The following MYLIP variants were observed in gnomAD, a reference collection of about 807,000 sequenced individuals.
MYLIP encodes myosin regulatory light chain interacting protein, also known as E3 ubiquitin-protein ligase MYLIP.
MYLIP carries 26 observed loss-of-function variants against 45.8 expected under a neutral mutation model. The ratio of observed to expected loss-of-function variants is 0.57; its 90% CI spans 0.42 to 0.79. MYLIP has a LOEUF of 0.79. Ranked by LOEUF, MYLIP falls within the 30% of genes least tolerant of loss-of-function variation. The probability of loss-of-function intolerance (pLI) is 0.00; values close to 1 mark genes in which losing one functional copy is unlikely to be tolerated. For missense variants in MYLIP, 494 were observed against 555.6 expected, an observed-to-expected ratio of 0.89 and a Z score of 1.11; for synonymous variants, 213 against 218.1, an observed-to-expected ratio of 0.98 and a Z score of 0.21.
chr6:16,132,825 T>C (rs149725774), intron 2 of MYLIP, among the ~76,000 whole-genome samples: 13 of 152,248 alleles, frequency 8.5e-5, no homozygotes, highest in African/African-American at 2.9e-4. Flanking sequence ...AAAATACTTA[T>C]ATAAAATGCC....
chr6:16,130,770 A>G (rs1759441694), intron 2 of MYLIP, 23 bp downstream of exon 2: 1 of 1,601,650 alleles, frequency 6.2e-7, no homozygotes, highest in Non-Finnish European at 8.5e-7. Flanking sequence ...AAAATAAACC[A>G]ATGTCAAATT....
Position 16,141,822 on chromosome 6 carries a change from G to A in MYLIP, c.464+12G>A. 1 of 1,603,304 alleles carries A rather than the reference G, an allele frequency of 6.2e-7. No homozygotes were observed. Among genetic ancestry groups the A allele is most frequent in the Middle Eastern group, 1.7e-4 (1 of 6,024 alleles). Reference sequence around the variant, plus strand: ...GCCACCTTGAACAGGTGAGGCTGTTGAATATAGTATTGTTTACAACTAGAA... The same window carrying A: ...GCCACCTTGAACAGGTGAGGCTGTTAAATATAGTATTGTTTACAACTAGAA... On this transcript the variant is annotated intron_variant, in intron 3 of 6. Transcript: ENST00000356840.
chr6:16,152,723 CAGA>C (rs541043644), downstream of MYLIP, among the ~76,000 whole-genome samples: 163 of 152,254 alleles, frequency 1.1e-3, 1 homozygote, highest in South Asian at 0.015. Context: ...TGTGGAAGAG[CAGA>C]AGATTTGCCA....
intron 4 of MYLIP, among the ~76,000 whole-genome samples, chr6:16,143,469 A>C (rs1212905042): frequency 6.6e-6 from 1 of 152,184 alleles, no homozygotes; most frequent in Non-Finnish European, 1.5e-5. Flanking sequence ...TCAGCTCTAG[A>C]CATGCATGTG....
chr6:16,144,995 A>G lies in MYLIP; in HGVS notation c.926A>G (p.Lys309Arg). Residue 309 changes from lysine to arginine, a missense_variant, in exon 6 of 7, where the codon AAG (lysine) becomes AGG (arginine). Physicochemically the swap from Lys to Arg is conservative, Grantham distance 26 (BLOSUM62 2). Transcript: ENST00000356840. ...LFLNENINLGKKYVFDIKRTS... is the reference protein window; with the variant it reads ...LFLNENINLGRKYVFDIKRTS... ...CTGAATGAAAACATTAACCTTGGCA[A>G]GAAATATGTCTTTGATATTAAAAGA... is the stretch of plus-strand genomic sequence containing the variant. The G allele has an allele frequency of 6.2e-7, 1 of 1,614,230 alleles. No individual in the cohort carries two copies. The highest frequency in any genetic ancestry group is 8.5e-7 in the Non-Finnish European group (1 of 1,180,044).
chr6:16,163,013 G>A, the MYLIP span, among the ~76,000 whole-genome samples: 1 of 151,960 alleles, frequency 6.6e-6, no homozygotes, highest in African/African-American at 2.4e-5. Context: ...ATGCAAGCTT[G>A]TGAAGATGAG....
downstream of MYLIP, among the ~76,000 whole-genome samples, chr6:16,153,056 T>A (rs1759896167): frequency 6.6e-6 from 1 of 152,158 alleles, no homozygotes; most frequent in Non-Finnish European, 1.5e-5. Flanking sequence ...TAAAAGGGAA[T>A]CAAGAAGTGC....
At chr6:16,155,653 T>C in the MYLIP span, among the ~76,000 whole-genome samples, 1 of 152,176 alleles carries the variant, frequency 6.6e-6, no homozygotes, top group Non-Finnish European at 1.5e-5. Flanking sequence ...CGAACTCCAC[T>C]CACTCGAACC....
At chr6:16,143,245 C>T (rs754543202) in intron 4 of MYLIP, 28 bp downstream of exon 4, 8 of 1,605,470 alleles carry the variant, frequency 5.0e-6, no homozygotes, top group East Asian at 4.5e-5. Context: ...TTTTTTTGAC[C>T]TAAGCATGTG....
chr6:16,155,644 G>A, the MYLIP span, among the ~76,000 whole-genome samples: 3 of 152,310 alleles, frequency 2.0e-5, no homozygotes, highest in South Asian at 2.1e-4. Context: ...TGGCAGGGGC[G>A]AACTCCACTC....
chr6:16,138,882 T>A (rs1208645019), intron 2 of MYLIP, among the ~76,000 whole-genome samples: 1 of 152,172 alleles, frequency 6.6e-6, no homozygotes, highest in East Asian at 1.9e-4. Context: ...AAAAGGTCAA[T>A]CATCGCCCTT....
intron 2 of MYLIP, among the ~76,000 whole-genome samples, chr6:16,138,538 A>C (rs1453604453): frequency 6.6e-6 from 1 of 152,148 alleles, no homozygotes; most frequent in African/African-American, 2.4e-5. Context: ...ACTCTGTTGT[A>C]CTGTTCTCCT....
In MYLIP at chr6:16,130,677, G is replaced by C; in HGVS notation, c.208G>C (p.Ala70Pro). The change falls in exon 2 of 7, where the codon GCC becomes CCC. Residue 70 changes from alanine to proline, a missense_variant. Physicochemically the swap from Ala to Pro is conservative, Grantham distance 27. Coordinates refer to ENST00000356840, the MANE Select transcript of MYLIP (RefSeq NM_013262.4). ...GATCTCCCAGCAGATGGATGGGCTA[G>C]CCCCTTACAGGCTTAAACTTAGAGT... ...NRISQQMDGL[A>P]PYRLKLRVKF... is the part of the protein sequence containing the mutation. 5 of 1,614,176 alleles carry C rather than the reference G, an allele frequency of 3.1e-6. No individual in the cohort carries two copies. Among genetic ancestry groups the C allele is most frequent in the Non-Finnish European group, 4.2e-6 (5 of 1,180,024 alleles).
At chr6:16,142,639 G>T (rs544355645) in intron 3 of MYLIP, among the ~76,000 whole-genome samples, 6 of 152,328 alleles carry the variant, frequency 3.9e-5, no homozygotes, top group South Asian at 2.1e-4. Flanking sequence ...CCTGTGGTTT[G>T]TTGGCCTACC....
chr6:16,143,903 T>A, intron 5 of MYLIP, 40 bp downstream of exon 5: 1 of 1,584,316 alleles, frequency 6.3e-7, no homozygotes, highest in Middle Eastern at 2.0e-4. Flanking sequence ...GCACCACAGC[T>A]CTCAGGTTTT....
the MYLIP span, among the ~76,000 whole-genome samples, chr6:16,154,184 C>T: frequency 6.6e-6 from 1 of 152,068 alleles, no homozygotes; most frequent in African/African-American, 2.4e-5. Context: ...AGGAGTCTTG[C>T]TATGTTGTCC....
chr6:16,145,383 G>A (rs2113567793), intron 6 of MYLIP, 66 bp downstream of exon 6: 2 of 1,507,526 alleles, frequency 1.3e-6, no homozygotes, highest in East Asian at 4.6e-5. Context: ...CGGGGAGTAG[G>A]AGCCAGGTAC....
In MYLIP at chr6:16,147,995, T is replaced by C. The variant is rs1038218992; in HGVS notation, c.*1244T>C. Reference sequence around the variant, plus strand: ...CTAGAAACCTACACTGTCACTTTACTGAGATTTCTGAGTATACTTTTCATA... The same window carrying C: ...CTAGAAACCTACACTGTCACTTTACCGAGATTTCTGAGTATACTTTTCATA... On this transcript the variant is annotated 3_prime_UTR_variant, in exon 7 of 7. Coordinates refer to ENST00000356840, the MANE Select transcript of MYLIP (RefSeq NM_013262.4). The C allele has an allele frequency of 1.1e-4, 17 of 152,748 alleles. No homozygotes were observed. The highest frequency in any genetic ancestry group is 3.8e-4 in the African/African-American group (16 of 41,578). The allele number at this position is 152,748 out of a possible 1,614,324, so 9.5% of individuals were successfully genotyped here.
chr6:16,153,398 T>G, the MYLIP span, among the ~76,000 whole-genome samples: 1 of 152,338 alleles, frequency 6.6e-6, no homozygotes, highest in Non-Finnish European at 1.5e-5. Flanking sequence ...TTAAAGCTAT[T>G]TTTCAGTTCT....
Sources: allele counts gnomAD v4.1 joint callset (sites outside exome capture counted in the v4.1 genomes callset), GRCh38; gene constraint gnomAD v4.1.1; transcripts MANE v1.5; gene names NCBI Gene and HGNC (gene_info 2026-07-23, HGNC 2026-07-21).